The following AGBL1 variants were observed in gnomAD, a reference collection of about 807,000 sequenced individuals.
AGBL1 encodes cytosolic carboxypeptidase 4.
Under a neutral mutation model 118.9 loss-of-function variants are expected in AGBL1, and 130 were observed. The ratio of observed to expected loss-of-function variants is 1.09; its 90% confidence interval spans 0.95 to 1.26. The LOEUF (loss-of-function observed/expected upper bound fraction) is 1.26. Ranked by LOEUF, AGBL1 falls within the 50% of genes most tolerant of loss-of-function variation. AGBL1 has a pLI of 0.00. For synonymous variants in AGBL1, 555 were observed against 478.9 expected (o/e 1.16, Z -2.08); for missense variants, 1,584 against 1,298.1 (o/e 1.22, Z -3.38).
At chr15:86,818,761 C>A (rs1240583456) in intron 22 of AGBL1, among the ~76,000 whole-genome samples, 2 of 152,174 alleles carry the variant, frequency 1.3e-5, no homozygotes, top group East Asian at 3.9e-4. Flanking sequence ...CGTGGCTCAG[C>A]ATAGTAATTT....
chr15:86,802,939 G>A (rs916791741), intron 22 of AGBL1, among the ~76,000 whole-genome samples: 1 of 152,078 alleles, frequency 6.6e-6, no homozygotes, highest in African/African-American at 2.4e-5. Context: ...ACGTAAGATA[G>A]GTAAGAAGCA....
chr15:86,254,419 G>A (rs2078863261), intron 7 of AGBL1, among the ~76,000 whole-genome samples: 1 of 152,236 alleles, frequency 6.6e-6, no homozygotes, highest in Non-Finnish European at 1.5e-5. Context: ...AACTCATGTA[G>A]TCTGGCTCCA....
intron 21 of AGBL1, among the ~76,000 whole-genome samples, chr15:86,667,373 A>C (rs1347899623): frequency 6.6e-6 from 1 of 151,866 alleles, no homozygotes; most frequent in East Asian, 1.9e-4. Flanking sequence ...TAAATTATGA[A>C]ACTTTTTCTT....
chr15:86,630,075 T>A (rs2084940961), intron 21 of AGBL1, among the ~76,000 whole-genome samples: 1 of 152,246 alleles, frequency 6.6e-6, no homozygotes, highest in African/African-American at 2.4e-5. Context: ...TTGAAGAGGA[T>A]GAAAATTTCT....
At chr15:86,832,857 C>G (rs916995472) in intron 22 of AGBL1, among the ~76,000 whole-genome samples, 1 of 152,170 alleles carries the variant, frequency 6.6e-6, no homozygotes, top group African/African-American at 2.4e-5. Context: ...TACCAATTTA[C>G]TGTATTAGTC....
intron 18 of AGBL1, among the ~76,000 whole-genome samples, chr15:86,429,582 C>A (rs2142036419): frequency 6.6e-6 from 1 of 152,286 alleles, no homozygotes; most frequent in Admixed American, 6.5e-5. Flanking sequence ...ACCGTAACTT[C>A]AATTCATCTC....
chr15:86,397,415 C>A lies in AGBL1; in HGVS notation c.2424C>A (p.Ser808Arg), dbSNP rs1430366786. 5 of 1,612,912 alleles carry A rather than the reference C, an allele frequency of 3.1e-6. No individual in the cohort carries two copies. The highest frequency in any genetic ancestry group is 3.4e-6 in the Non-Finnish European group (4 of 1,179,232). ...CTGCTCGAGTTCATCCAGGAGAGAG[C>A]AATGCCAGTTGGGTGATGAAGGGTA... Reference protein sequence around the residue: ...VITARVHPGESNASWVMKGTL... With the variant: ...VITARVHPGERNASWVMKGTL... Residue 808 changes from serine to arginine, a missense_variant, in exon 18 of 23, where the codon AGC becomes AGA. Transcript: ENST00000614907.
At position 86,372,075 on chromosome 15, in the gene AGBL1, T is replaced by C. The variant is rs142513413; in HGVS notation, c.2375-25291T>C. ...CCCATAGCTGCTGGGCTTTTCATCC[T>C]GGTATAATGTGGCCTGGGGCCAGGC... On this transcript the variant is annotated intron_variant, in intron 17 of 22. Transcript: ENST00000614907. Among the ~76,000 whole-genome samples the C allele has an allele frequency of 1.6e-4, 25 of 152,306 alleles. 1 individual carries two copies. The East Asian group carries it at 4.8e-3, about 29-fold the overall frequency.
At chr15:86,623,430 G>C (rs114378738) in intron 21 of AGBL1, among the ~76,000 whole-genome samples, 13 of 152,248 alleles carry the variant, frequency 8.5e-5, no homozygotes, top group African/African-American at 2.9e-4. Context: ...ACTGTGGCTG[G>C]TTCTCCAGAC....
chr15:86,880,760 C>T (rs919395244), intron 22 of AGBL1, among the ~76,000 whole-genome samples: 1 of 151,840 alleles, frequency 6.6e-6, no homozygotes, highest in African/African-American at 2.4e-5. Context: ...TGTGGGTGTA[C>T]ATGTGTGTAT....
chr15:86,889,394 GTTATT>G (rs2080018337), intron 22 of AGBL1, among the ~76,000 whole-genome samples: 1 of 151,884 alleles, frequency 6.6e-6, no homozygotes, highest in African/African-American at 2.4e-5. Flanking sequence ...TTCATTGACT[GTTATT>G]TTAAGTTCTC....
chr15:86,749,752 C>T (rs1802050351), intron 22 of AGBL1, among the ~76,000 whole-genome samples: 1 of 152,158 alleles, frequency 6.6e-6, no homozygotes, highest in African/African-American at 2.4e-5. Flanking sequence ...GCCTTTTCTG[C>T]ATCTGTTGAG....
chr15:86,585,955 T>C (rs2084241632), intron 21 of AGBL1, among the ~76,000 whole-genome samples: 1 of 152,232 alleles, frequency 6.6e-6, no homozygotes, highest in East Asian at 1.9e-4. Context: ...CTAGCCATGC[T>C]CCACATTCCA....
intron 22 of AGBL1, among the ~76,000 whole-genome samples, chr15:86,774,778 A>G (rs570332977): frequency 6.6e-6 from 1 of 152,254 alleles, no homozygotes; most frequent in South Asian, 2.1e-4. Context: ...CAAGCAGGGC[A>G]TATTTCTTGA....
intron 19 of AGBL1, among the ~76,000 whole-genome samples, chr15:86,538,735 C>T (rs2083456927): frequency 6.6e-6 from 1 of 152,128 alleles, no homozygotes; most frequent in Admixed American, 6.5e-5. Flanking sequence ...GGAATGAGAC[C>T]CAGATGTCAG....
At chr15:86,185,666 A>G (rs556032275) in intron 5 of AGBL1, among the ~76,000 whole-genome samples, 4 of 152,072 alleles carry the variant, frequency 2.6e-5, no homozygotes, top group Admixed American at 2.0e-4. Context: ...ACAAAAAACC[A>G]AACACTGCAT....
chr15:86,289,531 T>C (rs2079511680), intron 16 of AGBL1, among the ~76,000 whole-genome samples: 1 of 152,204 alleles, frequency 6.6e-6, no homozygotes, highest in South Asian at 2.1e-4. Flanking sequence ...TTTATGTGCC[T>C]TTTAAAGATG....
At chr15:86,966,756 T>C (rs578252106) in intron 23 of AGBL1, among the ~76,000 whole-genome samples, 1 of 152,250 alleles carries the variant, frequency 6.6e-6, no homozygotes, top group South Asian at 2.1e-4. Context: ...TCCAAGTCTT[T>C]GCTATTGTGA....
intron 16 of AGBL1, among the ~76,000 whole-genome samples, chr15:86,290,382 G>A (rs34895199): frequency 0.24 from 33,840 of 140,004 alleles, 4,787 homozygotes; most frequent in Middle Eastern, 0.35. Flanking sequence ...ACAGGGTCTC[G>A]CTCTGTCACC....
Sources: allele counts gnomAD v4.1 joint callset (sites outside exome capture counted in the v4.1 genomes callset), GRCh38; gene constraint gnomAD v4.1.1; transcripts MANE v1.5; gene names NCBI Gene and HGNC (gene_info 2026-07-23, HGNC 2026-07-21).